SRPK2: variants seen among roughly 807,000 people sequenced by gnomAD.
The protein encoded by SRPK2 is SFRS protein kinase 2.
In SRPK2, 21 loss-of-function variants were observed where a neutral mutation model predicts 90.8. The observed-to-expected ratio is 0.23, with a 90% CI of 0.16 to 0.33. The LOEUF is 0.33. Ranked by LOEUF, SRPK2 falls within the 10% of genes least tolerant of loss-of-function variation. The pLI is 1.00. For missense variants in SRPK2, 620 were observed against 869.0 expected, an observed-to-expected ratio of 0.71 and a Z score of 3.60; for synonymous variants, 288 against 311.1, an observed-to-expected ratio of 0.93 and a Z score of 0.78.
chr7:105,276,610 G>A (rs1806529846), intron 2 of SRPK2, among the ~76,000 whole-genome samples: 1 of 151,800 alleles, frequency 6.6e-6, no homozygotes, highest in Admixed American at 6.6e-5. Context: ...ATGGTGACAT[G>A]CACGTGTGGT....
intron 3 of SRPK2, among the ~76,000 whole-genome samples, chr7:105,193,105 A>G (rs1232013795): frequency 6.6e-6 from 1 of 152,174 alleles, no homozygotes; most frequent in Non-Finnish European, 1.5e-5. Flanking sequence ...TGATCATGAA[A>G]TCCTTGCCTA....
chr7:105,235,729 T>TAA (rs559715917), intron 2 of SRPK2, among the ~76,000 whole-genome samples: 33 of 150,056 alleles, frequency 2.2e-4, no homozygotes, highest in Admixed American at 1.5e-3. Flanking sequence ...AAAATATCTT[T>TAA]AAAAAAAAAA....
chr7:105,301,393 C>T, intron 2 of SRPK2: 2 of 625,790 alleles, frequency 3.2e-6, no homozygotes, highest in Non-Finnish European at 5.7e-6. Context: ...CCTGCCAGTG[C>T]CAAGACTGTG....
intron 2 of SRPK2, among the ~76,000 whole-genome samples, chr7:105,231,451 G>A (rs111417460): frequency 0.037 from 5,626 of 152,192 alleles, 378 homozygotes; most frequent in African/African-American, 0.13. Context: ...TTGCGGAGTC[G>A]AATGGTAGTT....
intron 4 of SRPK2, among the ~76,000 whole-genome samples, chr7:105,168,809 A>G (rs946758187): frequency 1.5e-5 from 2 of 130,460 alleles, no homozygotes; most frequent in Non-Finnish European, 3.4e-5. Flanking sequence ...GTTTCTTACT[A>G]TGGGTCATGG....
At chr7:105,394,831 G>A (rs2132915802) in intron 1 of SRPK2, among the ~76,000 whole-genome samples, 1 of 152,232 alleles carries the variant, frequency 6.6e-6, no homozygotes, top group South Asian at 2.1e-4. Context: ...ATAAATATGT[G>A]AAATATATAT....
At chr7:105,310,138 G>C (rs1364421800) in intron 2 of SRPK2, among the ~76,000 whole-genome samples, 1 of 152,198 alleles carries the variant, frequency 6.6e-6, no homozygotes, top group East Asian at 1.9e-4. Context: ...ACACAAAGGT[G>C]TAAGGCTAGG....
Position 105,188,217 on chromosome 7 carries a change from A to G in SRPK2, c.229+15411T>C, listed in dbSNP as rs569039031. On this transcript the variant is annotated intron_variant, in intron 3 of 15. Coordinates refer to ENST00000393651, the MANE Select transcript of SRPK2 (RefSeq NM_182692.3). The stretch of plus-strand genomic sequence containing the variant: ...ATGGTATAACAAGAATGAATCTTTA[A>G]AACATTATAAGTAAAAGAAGCCAAA... Among the ~76,000 whole-genome samples, 400 of 152,360 alleles carry G rather than the reference A, an allele frequency of 2.6e-3. 1 individual carries two copies. Among genetic ancestry groups the G allele is most frequent in the Admixed American group, 5.9e-3 (91 of 15,300 alleles).
At chr7:105,233,923 G>T (rs1396847269) in intron 2 of SRPK2, among the ~76,000 whole-genome samples, 1 of 151,976 alleles carries the variant, frequency 6.6e-6, no homozygotes, top group African/African-American at 2.4e-5. Context: ...TATTACAAGA[G>T]AAACAATATT....
intron 2 of SRPK2, among the ~76,000 whole-genome samples, chr7:105,330,069 G>A (rs955193179): frequency 2.6e-5 from 4 of 151,524 alleles, no homozygotes; most frequent in Non-Finnish European, 4.4e-5. Flanking sequence ...ATAGCCAGGC[G>A]CGATGGCTCA....
intron 2 of SRPK2, among the ~76,000 whole-genome samples, chr7:105,265,884 A>G (rs1296506708): frequency 3.3e-5 from 5 of 152,122 alleles, no homozygotes; most frequent in African/African-American, 1.2e-4. Flanking sequence ...AATTCATTCA[A>G]TAGCATTCTC....
intron 2 of SRPK2, among the ~76,000 whole-genome samples, chr7:105,250,529 C>T (rs1355195036): frequency 6.6e-6 from 1 of 152,160 alleles, no homozygotes; most frequent in Non-Finnish European, 1.5e-5. Context: ...TTTTCCCTTA[C>T]ATGCATGCAA....
At chr7:105,380,521 ATT>A (rs35323315) in intron 2 of SRPK2, among the ~76,000 whole-genome samples, 2,251 of 107,296 alleles carry the variant, frequency 0.021, 30 homozygotes, top group African/African-American at 0.058. Flanking sequence ...ACATGCTAAA[ATT>A]TTTTTTTTTT....
chr7:105,374,815 G>A (rs1393754464), intron 2 of SRPK2, among the ~76,000 whole-genome samples: 2 of 152,058 alleles, frequency 1.3e-5, no homozygotes, highest in Non-Finnish European at 1.5e-5. Flanking sequence ...CACCATATTG[G>A]CTAGGCTGGT....
At chr7:105,340,057 C>T (rs879440047) in intron 2 of SRPK2, among the ~76,000 whole-genome samples, 2 of 55,980 alleles carry the variant, frequency 3.6e-5, no homozygotes, top group African/African-American at 1.5e-4. Flanking sequence ...AACACTGTCA[C>T]AAAAAAAAGG....
At chr7:105,222,697 T>C (rs1220374898) in intron 2 of SRPK2, among the ~76,000 whole-genome samples, 1 of 152,220 alleles carries the variant, frequency 6.6e-6, no homozygotes. Flanking sequence ...ATTCAATCCA[T>C]AATAACATTA....
chr7:105,360,173 G>A (rs951137916), intron 2 of SRPK2, among the ~76,000 whole-genome samples: 1 of 152,120 alleles, frequency 6.6e-6, no homozygotes, highest in Non-Finnish European at 1.5e-5. Context: ...CTGGTTTAAA[G>A]TCTGTTTTAT....
intron 2 of SRPK2, among the ~76,000 whole-genome samples, chr7:105,348,702 C>T (rs573685276): frequency 6.6e-5 from 10 of 151,272 alleles, no homozygotes; most frequent in African/African-American, 2.2e-4. Flanking sequence ...GAATTACAGG[C>T]GTGAGCCACC....
chr7:105,300,149 A>T (rs1440183759), intron 2 of SRPK2, among the ~76,000 whole-genome samples: 2 of 149,586 alleles, frequency 1.3e-5, no homozygotes, highest in Non-Finnish European at 3.0e-5. Context: ...GCTACTCAGG[A>T]GGGTGAGACA....
Sources: gnomAD v4.1 joint callset for allele counts (sites outside exome capture counted in the v4.1 genomes callset) on GRCh38, gnomAD v4.1.1 for gene constraint, MANE v1.5 for transcripts, NCBI Gene and HGNC (gene_info 2026-07-23, HGNC 2026-07-21) for gene names.